LARS1: variants seen among roughly 807,000 people sequenced by gnomAD.
LARS1 encodes the protein leucyl-tRNA synthetase 1.
Under a neutral mutation model 162.8 loss-of-function variants are expected in LARS1, and 100 were observed. That is an observed-to-expected ratio of 0.61 (90% confidence interval 0.52 to 0.73). The LOEUF (loss-of-function observed/expected upper bound fraction) is 0.73. Among genes scored for constraint, LARS1 ranks in the 30% least tolerant of loss-of-function variants. The pLI, the probability that LARS1 is intolerant of heterozygous loss-of-function variation, is 0.00. For missense variants in LARS1, 1,258 were observed against 1,408.9 expected, an observed-to-expected ratio of 0.89 and a Z score of 1.71; for synonymous variants, 457 against 462.8, an observed-to-expected ratio of 0.99 and a Z score of 0.16.
chr5:146,164,671 CTG>C (rs1753922310), intron 5 of LARS1, among the ~76,000 whole-genome samples, 200 bp from the exon 6 acceptor site: 1 of 152,190 alleles, frequency 6.6e-6, no homozygotes, highest in Admixed American at 6.5e-5. Flanking sequence ...GTCTGTCAAA[CTG>C]TATAGCCAAG....
At chr5:146,170,063 A>G (rs1417818330) in intron 4 of LARS1, among the ~76,000 whole-genome samples, 1 of 152,242 alleles carries the variant, frequency 6.6e-6, no homozygotes, top group Non-Finnish European at 1.5e-5. Context: ...ATCATAGGAC[A>G]TTCTACAAAA....
chr5:146,144,251 T>G lies in LARS1; in HGVS notation c.1738+16A>C, dbSNP rs762203711. 6.3e-7 allele frequency: 1 copy of G among 1,585,324 alleles called. No homozygotes were observed. Among genetic ancestry groups the G allele is most frequent in the Non-Finnish European group, 8.6e-7 (1 of 1,168,230 alleles). On this transcript the variant is annotated intron_variant, in intron 18 of 31. Coordinates refer to ENST00000394434, the MANE Select transcript of LARS1 (RefSeq NM_020117.11). ...TGGCAAAGTTATCCAAACAGAAAAA[T>G]TTCAAGTTTGTTTACCTAGACCATA...
chr5:146,132,292 G>A (rs781169721), intron 23 of LARS1: 2 of 151,822 alleles, frequency 1.3e-5, no homozygotes, highest in Non-Finnish European at 1.5e-5. Context: ...GTGACAGTGC[G>A]AGACTCTGTC....
intron 28 of LARS1, among the ~76,000 whole-genome samples, chr5:146,126,119 G>A (rs1215444401): frequency 1.3e-5 from 2 of 152,028 alleles, no homozygotes; most frequent in African/African-American, 4.8e-5. Context: ...CAGGAATAGG[G>A]TCTAGGAAAT....
At chr5:146,158,621 T>C (rs1753631843) in intron 8 of LARS1, among the ~76,000 whole-genome samples, 2 of 152,224 alleles carry the variant, frequency 1.3e-5, no homozygotes, top group South Asian at 4.1e-4. Context: ...TGGCTAGAAT[T>C]ACTTTGGAAA....
rs2292173 is a variant in LARS1 at position 146,149,993 on chromosome 5, A to G, written c.1426-294T>C. Among the ~76,000 whole-genome samples the G allele has an allele frequency of 0.22, 33,854 of 152,130 alleles. 4,821 individuals carry two copies. The highest frequency in any genetic ancestry group is 0.34 in the Admixed American group (5,124 of 15,278). On this transcript the variant is annotated intron_variant, in intron 14 of 31. Coordinates refer to ENST00000394434, the MANE Select transcript of LARS1 (RefSeq NM_020117.11). ...ACTTCCACTTCTTAAGTTTCCACATAGACAGACTTCAATTACACTCACTCA... is the reference window on the plus strand; with the variant it reads ...ACTTCCACTTCTTAAGTTTCCACATGGACAGACTTCAATTACACTCACTCA...
At chr5:146,133,246 G>A (rs1752363916) in intron 22 of LARS1, among the ~76,000 whole-genome samples, 165 bp from the exon 23 acceptor site, 1 of 152,172 alleles carries the variant, frequency 6.6e-6, no homozygotes, top group South Asian at 2.1e-4. Context: ...CCAAAAAGTA[G>A]CATCCCTAAC....
chr5:146,146,841 A>G (rs1302786284), intron 15 of LARS1, among the ~76,000 whole-genome samples: 2 of 151,680 alleles, frequency 1.3e-5, no homozygotes, highest in South Asian at 2.1e-4. Flanking sequence ...AGCCTCCCGA[A>G]TAGCTGGAAT....
intron 15 of LARS1, among the ~76,000 whole-genome samples, chr5:146,145,421 G>GA (rs71581860): frequency 6.8e-6 from 1 of 146,758 alleles, no homozygotes. Context: ...TACTGCTTAA[G>GA]AAAAAAAAAA....
At chr5:146,157,173 T>C (rs1350224422) in intron 10 of LARS1, among the ~76,000 whole-genome samples, 3 of 152,200 alleles carry the variant, frequency 2.0e-5, no homozygotes, top group Non-Finnish European at 2.9e-5. Flanking sequence ...ACTAATGATA[T>C]GGACATGAGA....
chr5:146,158,635 G>A (rs1320838047), intron 8 of LARS1, among the ~76,000 whole-genome samples: 1 of 152,180 alleles, frequency 6.6e-6, no homozygotes, highest in African/African-American at 2.4e-5. Flanking sequence ...TTGGAAATAA[G>A]CAAGAAGGCA....
intron 18 of LARS1, 74 bp from the exon 19 acceptor site, chr5:146,143,624 G>A: frequency 7.5e-7 from 1 of 1,333,168 alleles, no homozygotes; most frequent in Non-Finnish European, 1.0e-6. Context: ...TTAAGAAGGG[G>A]GCTATAACAT....
At chr5:146,130,984 A>G in intron 24 of LARS1, 35 bp downstream of exon 24, 1 of 1,185,260 alleles carries the variant, frequency 8.4e-7, no homozygotes, top group South Asian at 1.4e-5. Context: ...TCACATTGAC[A>G]TGTTTTATAG....
intron 31 of LARS1, among the ~76,000 whole-genome samples, chr5:146,114,828 G>A (rs1345768907): frequency 6.6e-6 from 1 of 151,332 alleles, no homozygotes; most frequent in African/African-American, 2.4e-5. Context: ...GGCAGATCGC[G>A]AGGTCCGGAG....
chr5:146,142,652 G>A lies in LARS1; in HGVS notation c.2090+220C>T, dbSNP rs982050851. 6 of 481,802 alleles carry A rather than the reference G, an allele frequency of 1.2e-5. No individual in the cohort carries two copies. The Admixed American group carries it at 1.5e-4, about 12-fold the overall frequency. 29.8% of individuals were successfully genotyped at this position (481,802 alleles called of 1,614,324 possible). On this transcript the variant is annotated intron_variant, in intron 20 of 31. Transcript: ENST00000394434. The stretch of plus-strand genomic sequence containing the variant: ...TTACTAGCAGACCAGCAATGCACCT[G>A]AGATATGACATGCTTTGGTGCCTGG...
chr5:146,169,808 C>G (rs1172769294), intron 4 of LARS1, among the ~76,000 whole-genome samples: 1 of 152,102 alleles, frequency 6.6e-6, no homozygotes, highest in Non-Finnish European at 1.5e-5. Context: ...CTCGGCCTCC[C>G]AAAGTGCTGG....
intron 1 of LARS1, among the ~76,000 whole-genome samples, chr5:146,178,272 G>A (rs1288079780): frequency 6.6e-6 from 1 of 152,078 alleles, no homozygotes; most frequent in Non-Finnish European, 1.5e-5. Flanking sequence ...CAAAGATACT[G>A]ATAGAGAACT....
chr5:146,159,373 AT>A lies in LARS1; in HGVS notation c.771+33del, dbSNP rs775076355. ...AAACTCTATAGTCTTATTAAGGATT[AT>A]TATAATAGCTACTCTGTCTCACAAA... On this transcript the variant is annotated intron_variant, in intron 8 of 31. Coordinates refer to ENST00000394434, the MANE Select transcript of LARS1 (RefSeq NM_020117.11). The A allele has an allele frequency of 3.3e-6, 5 of 1,526,042 alleles. No individual in the cohort carries two copies. In the South Asian group the frequency reaches 4.5e-5, roughly 14 times the overall value. 94.5% of individuals were successfully genotyped at this position (1,526,042 alleles called of 1,614,324 possible).
intron 15 of LARS1, among the ~76,000 whole-genome samples, chr5:146,146,711 GTTGCTTAGAC>G (rs548044471): frequency 2.8e-4 from 42 of 149,288 alleles, no homozygotes; most frequent in African/African-American, 9.6e-4. Flanking sequence ...AAAATGCTCA[GTTGCTTAGAC>G]TTTTTTGTTT....
Sources: allele counts gnomAD v4.1 joint callset (sites outside exome capture counted in the v4.1 genomes callset), GRCh38; gene constraint gnomAD v4.1.1; transcripts MANE v1.5; gene names NCBI Gene and HGNC (gene_info 2026-07-23, HGNC 2026-07-21).